Variants in HFM1 observed in about 807,000 individuals in gnomAD.
The protein encoded by HFM1 is probable ATP-dependent DNA helicase HFM1.
Under a neutral mutation model 192.1 loss-of-function variants are expected in HFM1, and 169 were observed. The observed-to-expected ratio is 0.88, with a 90% CI of 0.78 to 1.00. The LOEUF is 1.00. HFM1 is among the 50% of genes least tolerant of loss of function. The pLI, the probability that HFM1 is intolerant of heterozygous loss-of-function variation, is 0.00. For synonymous variants in HFM1, 525 were observed against 537.8 expected (o/e 0.98, Z 0.33); for missense variants, 1,661 against 1,668.0 (o/e 1.00, Z 0.07).
chr1:91,333,046 T>C (rs1654057309), intron 20 of HFM1, among the ~76,000 whole-genome samples: 1 of 152,166 alleles, frequency 6.6e-6, no homozygotes, highest in African/African-American at 2.4e-5. Context: ...GTTTGGAGGT[T>C]CCTCAAAAAA....
chr1:91,272,367 ACTT>A (rs1666387533), intron 34 of HFM1, among the ~76,000 whole-genome samples: 1 of 152,040 alleles, frequency 6.6e-6, no homozygotes, highest in African/African-American at 2.4e-5. Flanking sequence ...CCATGCAGCA[ACTT>A]CTTAAAAAAA....
chr1:91,394,489 CAAGTT>C, intron 3 of HFM1, 87 bp from the exon 4 acceptor site: 1 of 810,224 alleles, frequency 1.2e-6, no homozygotes, highest in Non-Finnish European at 1.9e-6. Context: ...ATAAAAATTC[CAAGTT>C]AAGTATGAAA....
intron 13 of HFM1, among the ~76,000 whole-genome samples, chr1:91,361,075 T>C (rs1160863587): frequency 1.3e-5 from 2 of 151,984 alleles, no homozygotes; most frequent in East Asian, 1.9e-4. Flanking sequence ...TAGCACCAAA[T>C]TCCCCCATCA....
intron 30 of HFM1, among the ~76,000 whole-genome samples, chr1:91,295,778 CCT>C (rs1182536481): frequency 1.3e-5 from 2 of 151,620 alleles, no homozygotes; most frequent in Non-Finnish European, 2.9e-5. Flanking sequence ...AGTTTTGTGC[CCT>C]GTTTTTTTAA....
chr1:91,301,364 T>C (rs1648750322), intron 30 of HFM1, among the ~76,000 whole-genome samples: 1 of 139,502 alleles, frequency 7.2e-6, no homozygotes, highest in South Asian at 2.5e-4. Flanking sequence ...CTGCCCAAGG[T>C]AATTTATAGA....
intron 13 of HFM1, among the ~76,000 whole-genome samples, chr1:91,361,289 AATAT>A (rs1367900365): frequency 1.3e-5 from 2 of 152,110 alleles, no homozygotes; most frequent in East Asian, 3.8e-4. Flanking sequence ...AAATTAACAC[AATAT>A]ATAGACTGCT....
At chr1:91,333,882 T>C (rs759886045) in intron 20 of HFM1, among the ~76,000 whole-genome samples, 33 of 152,208 alleles carry the variant, frequency 2.2e-4, no homozygotes, top group Admixed American at 5.2e-4. Flanking sequence ...GCTAGGAAGA[T>C]AACTACATGC....
chr1:91,406,967 T>C (rs1247157505), upstream of HFM1, among the ~76,000 whole-genome samples: 1 of 152,194 alleles, frequency 6.6e-6, no homozygotes, highest in African/African-American at 2.4e-5. Flanking sequence ...CAGCCAAGAA[T>C]ACAGAGCTCT....
rs1418699910 is a variant in HFM1 at position 91,385,238 on chromosome 1, A to G, written c.755-4T>C. The G allele has an allele frequency of 2.0e-6, 3 of 1,469,340 alleles. No homozygotes were observed. The highest frequency in any genetic ancestry group is 1.2e-5 in the South Asian group (1 of 81,794). 91.0% of individuals were successfully genotyped at this position (1,469,340 alleles called of 1,614,324 possible). A position where few individuals can be genotyped will look rare whatever the true frequency, so the allele number is the denominator to read the frequency against. On this transcript the variant is annotated splice_region_variant and splice_polypyrimidine_tract_variant and intron_variant, in intron 5 of 38. Coordinates refer to ENST00000370425, the MANE Select transcript of HFM1 (RefSeq NM_001017975.6). ...CCTAAACCATTTTCTGTTACCTCTG[A>G]AAAAAAAATGCTACATATTTATATA...
chr1:91,320,342 C>CT (rs1037554739), intron 23 of HFM1, among the ~76,000 whole-genome samples: 1 of 152,072 alleles, frequency 6.6e-6, no homozygotes, highest in Non-Finnish European at 1.5e-5. Context: ...AAACTATTCA[C>CT]TTTTTTTGGC....
chr1:91,281,180 T>C (rs1272043508), intron 30 of HFM1, among the ~76,000 whole-genome samples: 2 of 152,110 alleles, frequency 1.3e-5, no homozygotes, highest in South Asian at 2.1e-4. Flanking sequence ...TCCAGAGTGG[T>C]GGTGGTAGTA....
chr1:91,317,613 T>G (rs1185033432), intron 25 of HFM1, among the ~76,000 whole-genome samples: 1 of 152,156 alleles, frequency 6.6e-6, no homozygotes, highest in Non-Finnish European at 1.5e-5. Flanking sequence ...ATATATTACA[T>G]GTATTACTGG....
Position 91,355,934 on chromosome 1 carries a change from G to A in HFM1, c.1686-2635C>T, listed in dbSNP as rs925290045. Among the ~76,000 whole-genome samples, 9 of 152,210 alleles carry A rather than the reference G, an allele frequency of 5.9e-5. 1 individual carries two copies. Among genetic ancestry groups the A allele is most frequent in the East Asian group, 1.9e-4 (1 of 5,172 alleles). ...ATGTATACGCTTCTCTAGAGCATAC[G>A]AAACATTCTACAGGACAGATCATAC... On this transcript the variant is annotated intron_variant, in intron 13 of 38. Transcript: ENST00000370425.
rs1648367629 is a variant in HFM1, at chr1:91,299,739, G to T, written c.3391+13610C>A. Among the ~76,000 whole-genome samples the T allele has an allele frequency of 5.3e-5, 8 of 152,266 alleles. No homozygotes were observed. The South Asian group carries it at 1.7e-3, about 32-fold the overall frequency. On this transcript the variant is annotated intron_variant, in intron 30 of 38. Coordinates refer to ENST00000370425, the MANE Select transcript of HFM1 (RefSeq NM_001017975.6). ...TAAAGATGTTCTTTGAAACCAATGA[G>T]AACAAAGACACAACATACCAGAATC...
chr1:91,374,286 T>C (rs1039745930), intron 13 of HFM1, among the ~76,000 whole-genome samples: 1 of 152,200 alleles, frequency 6.6e-6, no homozygotes, highest in African/African-American at 2.4e-5. Context: ...CAGGCTACAC[T>C]AAGGATTTAG....
intron 6 of HFM1, among the ~76,000 whole-genome samples, chr1:91,384,064 T>C (rs1229124282): frequency 6.6e-6 from 1 of 152,242 alleles, no homozygotes; most frequent in South Asian, 2.1e-4. Flanking sequence ...AACTATCTAA[T>C]ATTTCTTATT....
intron 19 of HFM1, 31 bp downstream of exon 19, chr1:91,347,398 A>G (rs1347194941): frequency 7.7e-7 from 1 of 1,297,878 alleles, no homozygotes; most frequent in Non-Finnish European, 1.1e-6. Flanking sequence ...AAATATATAG[A>G]ATCTAATTTT....
At position 91,316,466 on chromosome 1, in the gene HFM1, C is replaced by A; in HGVS notation, c.2823G>T (p.Leu941Phe). Reference sequence around the variant, plus strand: ...AACCAGCATTTACGATTGCATTTGACAATGTTATACCTGTGGAAAATTAAT... The same window carrying A: ...AACCAGCATTTACGATTGCATTTGAAAATGTTATACCTGTGGAAAATTAAT... ...SKQLEKIGIT[L>F]SNAIVNAGLT... Residue 941 changes from leucine to phenylalanine, a missense_variant, in exon 26 of 39, where the codon TTG becomes TTT. Transcript: ENST00000370425. The A allele has an allele frequency of 6.5e-7, 1 of 1,532,234 alleles. No individual in the cohort carries two copies. The highest frequency in any genetic ancestry group is 8.9e-7 in the Non-Finnish European group (1 of 1,121,606). The allele number at this position is 1,532,234 out of a possible 1,614,324, so 94.9% of individuals were successfully genotyped here.
intron 32 of HFM1, among the ~76,000 whole-genome samples, 197 bp downstream of exon 32, chr1:91,276,431 G>C (rs148220737): frequency 5.9e-4 from 90 of 152,222 alleles, no homozygotes; most frequent in African/African-American, 2.1e-3. Flanking sequence ...AAAGAAGATG[G>C]AAGGAAAGAA....
Sources: allele counts gnomAD v4.1 joint callset (sites outside exome capture counted in the v4.1 genomes callset), GRCh38; gene constraint gnomAD v4.1.1; transcripts MANE v1.5; gene names NCBI Gene and HGNC (gene_info 2026-07-23, HGNC 2026-07-21).